Variants in PHC3 observed in about 807,000 individuals in gnomAD.
PHC3 encodes the protein polyhomeotic homolog 3.
Under a neutral mutation model 107.4 loss-of-function variants are expected in PHC3, and 13 were observed. The ratio of observed to expected loss-of-function variants is 0.12; its 90% CI spans 0.08 to 0.19. PHC3 has a LOEUF of 0.19. PHC3 is among the 10% of genes least tolerant of loss of function. The pLI, the probability that PHC3 is intolerant of heterozygous loss-of-function variation, is 1.00. For missense variants in PHC3, 992 were observed against 1,210.9 expected, an observed-to-expected ratio of 0.82 and a Z score of 2.68; for synonymous variants, 456 against 427.4, an observed-to-expected ratio of 1.07 and a Z score of -0.83.
At chr3:170,131,558 G>A (rs1722265411) in intron 7 of PHC3, among the ~76,000 whole-genome samples, 1 of 152,164 alleles carries the variant, frequency 6.6e-6, no homozygotes, top group Admixed American at 6.5e-5. Flanking sequence ...TTCTGGCTGG[G>A]CGCAATGGCT....
rs9834808 is a variant in PHC3, at chr3:170,117,164, G to A, written c.2193+62C>T. 3,454 of 1,592,450 alleles carry A rather than the reference G, an allele frequency of 2.2e-3. 63 individuals carry two copies. In the African/African-American group the frequency reaches 0.041, roughly 19 times the overall value. ...GCTTTTTATTAGAGAACAGTAATAT[G>A]TAACTTTTAAAATAATGTTATATAA... On this transcript the variant is annotated intron_variant, in intron 10 of 14. Transcript: ENST00000495893.
chr3:170,158,018 A>C (rs1256581579), intron 4 of PHC3, among the ~76,000 whole-genome samples: 1 of 152,056 alleles, frequency 6.6e-6, no homozygotes, highest in Non-Finnish European at 1.5e-5. Flanking sequence ...ACAACCAATA[A>C]ATAAAGAAGA....
In PHC3 at chr3:170,129,400, G is replaced by A; in HGVS notation, c.1072C>T (p.Pro358Ser). The A allele has an allele frequency of 3.1e-6, 5 of 1,613,858 alleles. No homozygotes were observed. The highest frequency in any genetic ancestry group is 1.1e-5 in the South Asian group (1 of 91,076). The change falls in exon 8 of 15, where the codon CCA becomes TCA. Residue 358 changes from proline to serine, a missense_variant. By Grantham distance (74) the Pro-to-Ser change is moderately conservative (BLOSUM62 -1). Around this residue, in one of 6 missense-constraint regions of PHC3, gnomAD observed 543 missense variants for 590.8 expected, o/e 0.92. Coordinates refer to ENST00000495893, the MANE Select transcript of PHC3 (RefSeq NM_024947.4). ...GGTATACAGTGCTGGGATGGGGGTGGGTCTTGAGTTGAATTCTGAAGTGTG... is the reference window on the plus strand; with the variant it reads ...GGTATACAGTGCTGGGATGGGGGTGAGTCTTGAGTTGAATTCTGAAGTGTG... ...PITLQNSTQD[P>S]PPSQHCIPLQ...
chr3:170,113,529 A>C lies in PHC3; in HGVS notation c.2194-10T>G. 1 of 1,579,446 alleles carries C rather than the reference A, an allele frequency of 6.3e-7. No homozygotes were observed. The highest frequency in any genetic ancestry group is 8.6e-7 in the Non-Finnish European group (1 of 1,167,012). ...AAGAGGAACGACTCACCTTTAAAAA[A>C]GGAGAAATAATAAAATGAAACAATC... On this transcript the variant is annotated splice_polypyrimidine_tract_variant and intron_variant, in intron 10 of 14. Transcript: ENST00000495893.
At chr3:170,128,425 T>C in intron 8 of PHC3, 1 of 1,316,994 alleles carries the variant, frequency 7.6e-7, no homozygotes, top group Non-Finnish European at 9.9e-7. Flanking sequence ...AGATAGCAGA[T>C]GGATTTGTTT....
At chr3:170,154,660 C>T (rs1726602619) in intron 4 of PHC3, among the ~76,000 whole-genome samples, 1 of 152,120 alleles carries the variant, frequency 6.6e-6, no homozygotes, top group Non-Finnish European at 1.5e-5. Context: ...ACTAGCAACG[C>T]CCTAACCACC....
At chr3:170,175,916 T>C (rs1056887146) in intron 2 of PHC3, among the ~76,000 whole-genome samples, 1 of 136,770 alleles carries the variant, frequency 7.3e-6, no homozygotes, top group African/African-American at 2.8e-5. Context: ...AGGGCAAGAC[T>C]CAGTCTCAAA....
chr3:170,099,782 A>G (rs1198507282), intron 14 of PHC3, among the ~76,000 whole-genome samples: 1 of 152,206 alleles, frequency 6.6e-6, no homozygotes, highest in African/African-American at 2.4e-5. Context: ...TACAGAATAA[A>G]CAAGTCCCAA....
At position 170,097,102 on chromosome 3, in the gene PHC3, G is replaced by A. The variant is rs1714722811; in HGVS notation, c.*128C>T. On this transcript the variant is annotated 3_prime_UTR_variant, in exon 15 of 15. Transcript: ENST00000495893. The surrounding 1 kb of genome is among the most constrained non-coding windows in gnomAD (Gnocchi z 4.1). ...TGTAGAAGAAATGTCAGTATTTGAT[G>A]TGGAGATCCCAATGTGCTTGGCTAT... 1 of 732,070 alleles carries A rather than the reference G, an allele frequency of 1.4e-6. No individual in the cohort carries two copies. The highest frequency in any genetic ancestry group is 1.7e-5 in the African/African-American group (1 of 57,340). 45.3% of individuals were successfully genotyped at this position (732,070 alleles called of 1,614,324 possible).
chr3:170,124,814 A>C (rs1466124514), intron 8 of PHC3, among the ~76,000 whole-genome samples: 1 of 152,366 alleles, frequency 6.6e-6, no homozygotes, highest in Admixed American at 6.5e-5. Context: ...GGATTTCTGA[A>C]ACCAGCAAAA....
chr3:170,087,926 CTTT>C lies in PHC3; in HGVS notation c.*9301_*9303del, dbSNP rs1444964531. The C allele has an allele frequency of 6.6e-6, 1 of 152,054 alleles. No homozygotes were observed. Among genetic ancestry groups the C allele is most frequent in the Admixed American group, 6.5e-5 (1 of 15,268 alleles). 9.4% of individuals were successfully genotyped at this position (152,054 alleles called of 1,614,324 possible). ...GCTACTTAATATGAAAGTGCTTTCT[CTTT>C]TTTAAAAAAATACACCAAATGGACA... On this transcript the variant is annotated 3_prime_UTR_variant, in exon 15 of 15. Coordinates refer to ENST00000495893, the MANE Select transcript of PHC3 (RefSeq NM_024947.4).
At position 170,132,748 on chromosome 3, in the gene PHC3, G is replaced by C. The variant is rs139779753; in HGVS notation, c.920-3196C>G. On this transcript the variant is annotated intron_variant, in intron 7 of 14. Coordinates refer to ENST00000495893, the MANE Select transcript of PHC3 (RefSeq NM_024947.4). ...CTATGGTATTTTGTTATGGCAGCTG[G>C]AGCAGATTGATTAATACAGGACCTT... 6.8e-4 allele frequency among the ~76,000 whole-genome samples: 104 copies of C among 152,314 alleles called. 1 individual carries two copies. Among genetic ancestry groups the C allele is most frequent in the African/African-American group, 2.4e-3 (99 of 41,562 alleles).
At chr3:170,152,944 G>A (rs967808256) in intron 4 of PHC3, among the ~76,000 whole-genome samples, 2 of 152,152 alleles carry the variant, frequency 1.3e-5, no homozygotes, top group East Asian at 1.9e-4. Flanking sequence ...TTACCAGCAT[G>A]AGCCATCGCA....
chr3:170,166,163 G>T (rs1380329197), intron 4 of PHC3, among the ~76,000 whole-genome samples: 1 of 152,004 alleles, frequency 6.6e-6, no homozygotes, highest in South Asian at 2.1e-4. Flanking sequence ...TCCTGCCTCA[G>T]CTTCCCAAGT....
intron 9 of PHC3, among the ~76,000 whole-genome samples, chr3:170,121,338 A>G (rs916610043): frequency 3.3e-5 from 5 of 152,124 alleles, no homozygotes; most frequent in Non-Finnish European, 5.9e-5. Context: ...AGGCAGCAGA[A>G]AAGATCTGAA....
At chr3:170,111,370 AAGAAAGAAAGAGAG>A (rs370582145) in intron 11 of PHC3, among the ~76,000 whole-genome samples, 1 of 146,774 alleles carries the variant, frequency 6.8e-6, no homozygotes. Context: ...AGGAAGGAAA[AAGAAAGAAAGAGAG>A]AGAAAGAAAG....
chr3:170,147,284 C>T (rs975169987), intron 5 of PHC3: 1 of 152,142 alleles, frequency 6.6e-6, no homozygotes, highest in South Asian at 2.1e-4. Context: ...AAAATTGTAT[C>T]AAGGGTTATT....
chr3:170,168,748 C>T (rs1469486675), intron 4 of PHC3, among the ~76,000 whole-genome samples: 2 of 109,278 alleles, frequency 1.8e-5, no homozygotes, highest in Non-Finnish European at 3.5e-5. Flanking sequence ...AGCGAGACTC[C>T]GTCTCAAAAA....
chr3:170,161,578 G>A (rs1727899646), intron 4 of PHC3, among the ~76,000 whole-genome samples: 1 of 152,236 alleles, frequency 6.6e-6, no homozygotes. Context: ...GCAGAGCTCA[G>A]GCGATAATGC....
Sources: gnomAD v4.1 joint callset for allele counts (sites outside exome capture counted in the v4.1 genomes callset) on GRCh38, gnomAD v4.1.1 for gene constraint, gnomAD v4.1.1 regional missense constraint, Gnocchi (gnomAD v3.1) non-coding constraint, MANE v1.5 for transcripts, NCBI Gene and HGNC (gene_info 2026-07-23, HGNC 2026-07-21) for gene names.